The following ZFYVE16 variants were observed in gnomAD, a reference collection of about 807,000 sequenced individuals.
ZFYVE16 encodes zinc finger FYVE domain-containing protein 16.
A neutral mutation model predicts 138.1 loss-of-function variants in ZFYVE16; 89 were observed. That is an observed-to-expected ratio of 0.64 (90% CI 0.54 to 0.77). ZFYVE16 has a LOEUF of 0.77. Ranked by LOEUF, ZFYVE16 falls within the 30% of genes least tolerant of loss-of-function variation. ZFYVE16 has a pLI of 0.00. For synonymous variants in ZFYVE16, 596 were observed against 618.3 expected, an observed-to-expected ratio of 0.96 and a Z score of 0.53; for missense variants, 1,793 against 1,786.7, an observed-to-expected ratio of 1.00 and a Z score of -0.06.
In ZFYVE16 at chr5:80,449,656, C is replaced by T; in HGVS notation, c.3169C>T (p.His1057Tyr). Residue 1057 changes from histidine (H) to tyrosine (Y), a missense_variant, in exon 9 of 19, where the codon CAT becomes TAT. Transcript: ENST00000505560. Reference sequence around the variant, plus strand: ...TTTGCTTCTTGAAGGTGAAAGCTTTCATCCTGTTACATTTGTCCTAAATGC... The same window carrying T: ...TTTGCTTCTTGAAGGTGAAAGCTTTTATCCTGTTACATTTGTCCTAAATGC... The part of the protein sequence containing the change: ...IILLLEGESF[H>Y]PVTFVLNANL... 6.2e-7 allele frequency: 1 copy of T among 1,609,886 alleles called. No homozygotes were observed. The highest frequency in any genetic ancestry group is 8.5e-7 in the Non-Finnish European group (1 of 1,177,972).
At chr5:80,450,758 G>A (rs1398578492) in intron 10 of ZFYVE16, among the ~76,000 whole-genome samples, 172 bp downstream of exon 10, 1 of 150,840 alleles carries the variant, frequency 6.6e-6, no homozygotes, top group African/African-American at 2.4e-5. Context: ...CATTTTATGT[G>A]ATTAGTGTCT....
intron 9 of ZFYVE16, 84 bp downstream of exon 9, chr5:80,449,797 C>G (rs1035271278): frequency 4.3e-6 from 6 of 1,390,032 alleles, no homozygotes; most frequent in Non-Finnish European, 5.8e-6. Context: ...TTTTGACTGG[C>G]CATGGTGAAA....
Position 80,437,746 on chromosome 5 carries a change from A to G in ZFYVE16, c.1061A>G (p.Asn354Ser), listed in dbSNP as rs1223790991. The change falls in exon 4 of 19, where the codon AAT becomes AGT. Residue 354 changes from asparagine to serine, a missense_variant. Physicochemically the swap from Asn to Ser is conservative, Grantham distance 46 (BLOSUM62 1). Around this residue, in one of 2 missense-constraint regions of ZFYVE16, gnomAD observed 1,295 missense variants for 1,204.3 expected, o/e 1.08. Coordinates refer to ENST00000505560, the MANE Select transcript of ZFYVE16 (RefSeq NM_001284236.3). ...EDSKSLDLKD[N>S]DVIQDSSSAL... The stretch of plus-strand genomic sequence containing the variant: ...TCAAAAAGTTTAGACCTTAAGGATA[A>G]TGATGTAATCCAAGATTCCTCTTCA... 4 of 1,614,178 alleles carry G rather than the reference A, an allele frequency of 2.5e-6. 1 individual carries two copies. In the Admixed American group the frequency reaches 5.0e-5, roughly 20 times the overall value.
chr5:80,415,502 A>G lies in ZFYVE16; in HGVS notation c.-94+7349A>G, dbSNP rs116308605. ...AGTTCTCAGACATTCCTTGTTTTTGATGCTCTTGAAAGTTTTGAGGGTTAC... is the reference window on the plus strand; with the variant it reads ...AGTTCTCAGACATTCCTTGTTTTTGGTGCTCTTGAAAGTTTTGAGGGTTAC... On this transcript the variant is annotated intron_variant, in intron 1 of 18. Coordinates refer to ENST00000505560, the MANE Select transcript of ZFYVE16 (RefSeq NM_001284236.3). Among the ~76,000 whole-genome samples, 1,415 of 152,092 alleles carry G rather than the reference A, an allele frequency of 9.3e-3. 31 individuals carry two copies. The highest frequency in any genetic ancestry group is 0.032 in the African/African-American group (1,345 of 41,482).
At position 80,437,647 on chromosome 5, in the gene ZFYVE16, A is replaced by G. The variant is rs1364012255; in HGVS notation, c.962A>G (p.Asp321Gly). The G allele has an allele frequency of 1.9e-6, 3 of 1,611,840 alleles. No homozygotes were observed. The highest frequency in any genetic ancestry group is 4.5e-5 in the East Asian group (2 of 44,888). ...TGCTTAAATGATTCAAATTCAAGAG[A>G]TGAAAATTTCAAATTACCTGACTTT... The part of the protein sequence containing the change: ...DLCLNDSNSR[D>G]ENFKLPDFSF... The change falls in exon 4 of 19, where the codon GAT becomes GGT. Residue 321 changes from aspartate to glycine, a missense_variant. Asp to Gly is a moderately conservative substitution (Grantham distance 94). Transcript: ENST00000505560.
rs764145640 is a variant in ZFYVE16 at position 80,450,562 on chromosome 5, A to G, written c.3358A>G (p.Thr1120Ala). 3.8e-5 allele frequency: 62 copies of G among 1,613,442 alleles called. No homozygotes were observed. The highest frequency in any genetic ancestry group is 4.4e-5 in the Non-Finnish European group (52 of 1,179,700). The change falls in exon 10 of 19, where the codon ACC (threonine) becomes GCC (alanine). Residue 1120 changes from threonine to alanine, a missense_variant. This residue lies in a region of ZFYVE16 where 498 missense variants were observed against 582.4 expected (regional missense o/e 0.86). Transcript: ENST00000505560. ...TAAGGACATCTTCAGACTATTTATC[A>G]CCATATATAAGGATGCTCTAAAAGG... ...IPKDIFRLFI[T>A]IYKDALKGKY... is the part of the protein sequence containing the mutation.
At chr5:80,476,342 T>A (rs1017401597) in intron 18 of ZFYVE16, among the ~76,000 whole-genome samples, 7 of 152,190 alleles carry the variant, frequency 4.6e-5, no homozygotes, top group African/African-American at 1.7e-4. Flanking sequence ...TATTACTTGT[T>A]AAATAGATGG....
At chr5:80,447,014 C>G (rs912655671) in intron 7 of ZFYVE16, among the ~76,000 whole-genome samples, 1 of 152,050 alleles carries the variant, frequency 6.6e-6, no homozygotes, top group Non-Finnish European at 1.5e-5. Flanking sequence ...GTAATCCCAG[C>G]ACTTTGGGAG....
At chr5:80,459,187 C>G (rs1752844773) in intron 14 of ZFYVE16, among the ~76,000 whole-genome samples, 1 of 152,200 alleles carries the variant, frequency 6.6e-6, no homozygotes, top group Non-Finnish European at 1.5e-5. Flanking sequence ...TTCGGCCTCC[C>G]AAAGTGCTGG....
chr5:80,427,056 T>C (rs1748185994), intron 1 of ZFYVE16, among the ~76,000 whole-genome samples: 1 of 151,768 alleles, frequency 6.6e-6, no homozygotes, highest in Non-Finnish European at 1.5e-5. Context: ...TTTTTTTTTT[T>C]CCTTTTTCTG....
At chr5:80,456,123 A>G in intron 12 of ZFYVE16, 2 of 295,268 alleles carry the variant, frequency 6.8e-6, no homozygotes, top group Non-Finnish European at 1.2e-5. Flanking sequence ...TGTGATTTTG[A>G]GCAAATTATG....
intron 1 of ZFYVE16, among the ~76,000 whole-genome samples, chr5:80,416,325 G>A (rs987231088): frequency 1.1e-4 from 15 of 137,264 alleles, no homozygotes; most frequent in Non-Finnish European, 1.8e-4. Flanking sequence ...GCGTGATCTC[G>A]GCTCACTGCA....
chr5:80,480,874 C>A lies in ZFYVE16; in HGVS notation c.*3497C>A, dbSNP rs185371377. Among the ~76,000 whole-genome samples, 1 of 151,654 alleles carries A rather than the reference C, an allele frequency of 6.6e-6. No homozygotes were observed. The highest frequency in any genetic ancestry group is 2.4e-5 in the African/African-American group (1 of 41,256). On this transcript the variant is annotated 3_prime_UTR_variant, in exon 19 of 19. Coordinates refer to ENST00000505560, the MANE Select transcript of ZFYVE16 (RefSeq NM_001284236.3). Reference sequence around the variant, plus strand: ...GGTTAAGGCTCCAGTGAGCTGTGATCGTGCAACAGAGCAAAACCTTGTCTC... The same window carrying A: ...GGTTAAGGCTCCAGTGAGCTGTGATAGTGCAACAGAGCAAAACCTTGTCTC...
intron 1 of ZFYVE16, among the ~76,000 whole-genome samples, chr5:80,420,527 T>C (rs1034818363): frequency 3.0e-4 from 46 of 152,108 alleles, no homozygotes; most frequent in African/African-American, 1.1e-3. Context: ...TTCCCACCTA[T>C]GAGTGAGAAC....
At chr5:80,412,799 A>G (rs1389838810) in intron 1 of ZFYVE16, among the ~76,000 whole-genome samples, 2 of 152,196 alleles carry the variant, frequency 1.3e-5, no homozygotes, top group Non-Finnish European at 2.9e-5. Context: ...ACTTTTTACT[A>G]TTATGTTTAT....
intron 3 of ZFYVE16, among the ~76,000 whole-genome samples, chr5:80,434,758 A>G (rs1749632826): frequency 6.6e-6 from 1 of 152,204 alleles, no homozygotes; most frequent in Non-Finnish European, 1.5e-5. Flanking sequence ...GGCATGAGTC[A>G]TGTACTTGGC....
chr5:80,477,450 C>T lies in ZFYVE16; in HGVS notation c.*73C>T. The stretch of plus-strand genomic sequence containing the variant: ...AACTCCAGCACTAAAGCTGAAATGC[C>T]ACAAACACTAAAAGTATAAATATGT... On this transcript the variant is annotated 3_prime_UTR_variant, in exon 19 of 19. Transcript: ENST00000505560. 4 of 1,391,382 alleles carry T rather than the reference C, an allele frequency of 2.9e-6. 1 individual carries two copies. Among genetic ancestry groups the T allele is most frequent in the Non-Finnish European group, 3.9e-6 (4 of 1,032,864 alleles). The allele number at this position is 1,391,382 out of a possible 1,614,324, so 86.2% of individuals were successfully genotyped here. A position where few individuals can be genotyped will look rare whatever the true frequency, so the allele number is the denominator to read the frequency against.
At position 80,437,287 on chromosome 5, in the gene ZFYVE16, TC is replaced by T; in HGVS notation, c.603del (p.Ile201MetfsTer9). 1.2e-6 allele frequency: 2 copies of T among 1,608,814 alleles called. No homozygotes were observed. The highest frequency in any genetic ancestry group is 1.7e-6 in the Non-Finnish European group (2 of 1,177,248). On this transcript the variant is annotated frameshift_variant, in exon 4 of 19. Transcript: ENST00000505560. LOFTEE classifies it high-confidence loss of function. ...DISSELQNRE[I>X]GGIKELGIKV... ...AGTTCTGAATTACAAAATAGAGAAA[TC>T]GGAGGAATCAAAGAATTGGGTATAA...
intron 18 of ZFYVE16, among the ~76,000 whole-genome samples, chr5:80,476,453 C>T (rs1429933382): frequency 6.6e-6 from 1 of 152,192 alleles, no homozygotes; most frequent in Non-Finnish European, 1.5e-5. Flanking sequence ...TGAGCCACCA[C>T]GCCTGGCCCC....
Sources: allele counts gnomAD v4.1 joint callset (sites outside exome capture counted in the v4.1 genomes callset), GRCh38; gene constraint gnomAD v4.1.1; regional missense constraint gnomAD v4.1.1; transcripts MANE v1.5; gene names NCBI Gene and HGNC (gene_info 2026-07-23, HGNC 2026-07-21).